Variants in DPF2 observed in about 807,000 individuals in gnomAD.
DPF2 encodes the protein double PHD fingers 2.
Under a neutral mutation model 59.6 loss-of-function variants are expected in DPF2, and 10 were observed. The ratio of observed to expected loss-of-function variants is 0.17; its 90% confidence interval spans 0.10 to 0.28. The LOEUF (loss-of-function observed/expected upper bound fraction) is 0.28, where lower values mean the gene tolerates loss of function less well. DPF2 is among the 10% of genes least tolerant of loss of function. The probability of loss-of-function intolerance (pLI) is 1.00; values close to 1 mark genes in which losing one functional copy is unlikely to be tolerated. For synonymous variants in DPF2, 189 were observed against 190.6 expected, an observed-to-expected ratio of 0.99 and a Z score of 0.07; for missense variants, 315 against 509.4, an observed-to-expected ratio of 0.62 and a Z score of 3.67.
chr11:65,344,686 C>G, intron 6 of DPF2: 4 of 1,489,874 alleles, frequency 2.7e-6, no homozygotes, highest in Non-Finnish European at 3.6e-6. Context: ...CCTTGTTCCT[C>G]CTGCCTTTCT....
In DPF2 at chr11:65,346,041, C is replaced by G. The variant is rs1854517378; in HGVS notation, c.887C>G (p.Ser296Cys). ...CAACCCGAGGAGCTGGTGTCCTGTT[C>G]TGACTGTGGCCGCTCAGGTACTGCT... is the stretch of plus-strand genomic sequence containing the variant. The part of the protein sequence containing the change: ...TGQPEELVSC[S>C]DCGRSGHPSC... Residue 296 changes from serine to cysteine, a missense_variant, in exon 8 of 11, where the codon TCT becomes TGT. Ser to Cys is a moderately radical substitution (Grantham distance 112). Coordinates refer to ENST00000528416, the MANE Select transcript of DPF2 (RefSeq NM_006268.5). 1.2e-6 allele frequency: 2 copies of G among 1,614,228 alleles called. No homozygotes were observed. The highest frequency in any genetic ancestry group is 1.7e-6 in the Non-Finnish European group (2 of 1,180,032).
intron 10 of DPF2, among the ~76,000 whole-genome samples, chr11:65,350,100 T>G (rs1054276500): frequency 6.6e-6 from 1 of 152,172 alleles, no homozygotes; most frequent in African/African-American, 2.4e-5. Flanking sequence ...TTTGTTTTGT[T>G]TTTTTAAACC....
chr11:65,340,034 T>G (rs2137690340), intron 1 of DPF2, among the ~76,000 whole-genome samples: 1 of 152,320 alleles, frequency 6.6e-6, no homozygotes, highest in Non-Finnish European at 1.5e-5. Context: ...ATCTGCTTCT[T>G]AGCCTCATAA....
At chr11:65,336,517 C>T (rs937510785) in intron 1 of DPF2, among the ~76,000 whole-genome samples, 2 of 151,784 alleles carry the variant, frequency 1.3e-5, no homozygotes, top group Non-Finnish European at 2.9e-5. Context: ...GGCTGTTGGG[C>T]GCGGTGGCTC....
chr11:65,341,118 T>C lies in DPF2; in HGVS notation c.301+45T>C, dbSNP rs373761595. On this transcript the variant is annotated intron_variant, in intron 3 of 10. Transcript: ENST00000528416. ...AGCAGAGGCGTGGCCTGCTGCATGG[T>C]GAGAGCCTGCTAATCACTGTGATAT... The C allele has an allele frequency of 1.9e-6, 3 of 1,587,922 alleles. No homozygotes were observed. In the African/African-American group the frequency reaches 4.0e-5, roughly 21 times the overall value.
At chr11:65,344,634 A>C in intron 6 of DPF2, 1 of 1,535,686 alleles carries the variant, frequency 6.5e-7, no homozygotes. Context: ...AGCTCTCTCA[A>C]CTTTTCAGAC....
intron 6 of DPF2, chr11:65,344,737 TG>T: frequency 8.5e-7 from 1 of 1,179,222 alleles, no homozygotes; most frequent in Non-Finnish European, 1.2e-6. Context: ...TGGAATGGCA[TG>T]GGGGTAGGAG....
In DPF2 at chr11:65,337,972, T is replaced by C. The variant is rs1347711829; in HGVS notation, c.33-2413T>C. On this transcript the variant is annotated intron_variant, in intron 1 of 10. Transcript: ENST00000528416. ...GTCATGTACCACCACGCCCGGCTAATTTTGTATTTTTAGTAGAGACAGGGT... is the reference window on the plus strand; with the variant it reads ...GTCATGTACCACCACGCCCGGCTAACTTTGTATTTTTAGTAGAGACAGGGT... Among the ~76,000 whole-genome samples the C allele has an allele frequency of 2.0e-5, 3 of 152,030 alleles. No individual in the cohort carries two copies. The East Asian group carries it at 5.8e-4, about 29-fold the overall frequency.
intron 4 of DPF2, among the ~76,000 whole-genome samples, chr11:65,342,335 AG>A (rs1000872657): frequency 6.6e-6 from 1 of 152,182 alleles, no homozygotes; most frequent in African/African-American, 2.4e-5. Context: ...CTGCAGTCCC[AG>A]CTACTCAGGA....
At position 65,341,403 on chromosome 11, in the gene DPF2, A is replaced by C. The variant is rs370514099; in HGVS notation, c.306A>C (p.Thr102=). The change falls in exon 4 of 11, where the codon ACA becomes ACC. Residue 102 remains threonine (T), a synonymous_variant. Transcript: ENST00000528416. ...TTATCCTGACCTTGCTTGCAGACACAGACCAGACCCTGAAGAAGGAGGGGC... is the reference window on the plus strand; with the variant it reads ...TTATCCTGACCTTGCTTGCAGACACCGACCAGACCCTGAAGAAGGAGGGGC... ...RLSFPSIKPD[T]DQTLKKEGLI... is the part of the protein sequence containing the mutation. 6.2e-7 allele frequency: 1 copy of C among 1,614,208 alleles called. No individual in the cohort carries two copies. The highest frequency in any genetic ancestry group is 1.1e-5 in the South Asian group (1 of 91,082).
chr11:65,338,682 G>A (rs1854278963), intron 1 of DPF2, among the ~76,000 whole-genome samples: 2 of 152,134 alleles, frequency 1.3e-5, no homozygotes, highest in African/African-American at 4.8e-5. Context: ...ACAGCTCATT[G>A]AATCACGCCA....
At chr11:65,337,535 A>C (rs1236150621) in intron 1 of DPF2, among the ~76,000 whole-genome samples, 1 of 138,696 alleles carries the variant, frequency 7.2e-6, no homozygotes, top group African/African-American at 2.7e-5. Context: ...AGAGAGAGAG[A>C]GAGAGAGAGA....
chr11:65,339,106 C>G (rs555374754), intron 1 of DPF2, among the ~76,000 whole-genome samples: 2 of 152,174 alleles, frequency 1.3e-5, no homozygotes, highest in East Asian at 1.9e-4. Flanking sequence ...CAATTCTGCC[C>G]TTGGTTTAAG....
In DPF2 at chr11:65,341,395, G is replaced by A; in HGVS notation, c.302-4G>A. ...GCCTTGCTTTATCCTGACCTTGCTT[G>A]CAGACACAGACCAGACCCTGAAGAA... On this transcript the variant is annotated splice_polypyrimidine_tract_variant and splice_region_variant and intron_variant, in intron 3 of 10. Coordinates refer to ENST00000528416, the MANE Select transcript of DPF2 (RefSeq NM_006268.5). 2 of 1,614,152 alleles carry A rather than the reference G, an allele frequency of 1.2e-6. No homozygotes were observed. Among genetic ancestry groups the A allele is most frequent in the Non-Finnish European group, 1.7e-6 (2 of 1,180,020 alleles).
At chr11:65,335,834 CAG>C (rs1338664418) in intron 1 of DPF2, among the ~76,000 whole-genome samples, 1 of 151,862 alleles carries the variant, frequency 6.6e-6, no homozygotes, top group African/African-American at 2.4e-5. Context: ...TTTTTTTAGA[CAG>C]AGTCTCACTG....
chr11:65,351,590 C>A, intron 10 of DPF2, 93 bp from the exon 11 acceptor site: 3 of 1,076,694 alleles, frequency 2.8e-6, no homozygotes, highest in African/African-American at 3.1e-5. Flanking sequence ...TGTAGCTGAT[C>A]CTGCTATAGA....
chr11:65,345,437 T>G, intron 6 of DPF2: 1 of 559,894 alleles, frequency 1.8e-6, no homozygotes, highest in Non-Finnish European at 3.2e-6. Flanking sequence ...GTGGTGGCCA[T>G]GGGGTTGGAG....
Position 65,346,290 on chromosome 11 carries a change from A to T in DPF2, c.948A>T (p.Ala316=). The T allele has an allele frequency of 6.2e-7, 1 of 1,614,060 alleles. No homozygotes were observed. Among genetic ancestry groups the T allele is most frequent in the South Asian group, 1.1e-5 (1 of 91,078 alleles). ...AATTTACCCCCGTGATGATGGCGGC[A>T]GTGAAGACATACCGCTGGCAGTGCA... ...CLQFTPVMMA[A]VKTYRWQCIE... Residue 316 remains alanine (A), a synonymous_variant, in exon 9 of 11, where the codon GCA becomes GCT. Coordinates refer to ENST00000528416, the MANE Select transcript of DPF2 (RefSeq NM_006268.5).
chr11:65,334,991 G>A (rs1439193634), intron 1 of DPF2, among the ~76,000 whole-genome samples: 1 of 151,814 alleles, frequency 6.6e-6, no homozygotes, highest in African/African-American at 2.4e-5. Flanking sequence ...TAAAGAGTAA[G>A]TTGCTTCTCC....
Sources: allele counts gnomAD v4.1 joint callset (sites outside exome capture counted in the v4.1 genomes callset), GRCh38; gene constraint gnomAD v4.1.1; transcripts MANE v1.5; gene names NCBI Gene and HGNC (gene_info 2026-07-23, HGNC 2026-07-21).